Variants in EYA1 observed in about 807,000 individuals in gnomAD.
EYA1 encodes the protein EYA transcriptional coactivator and phosphatase 1, also known as protein phosphatase EYA1.
EYA1 carries 16 observed loss-of-function variants against 82.0 expected under a neutral mutation model. That is an observed-to-expected ratio of 0.20 (90% CI 0.13 to 0.30). EYA1 has a LOEUF of 0.30. Among genes scored for constraint, EYA1 ranks in the 10% least tolerant of loss-of-function variants. The pLI, the probability that EYA1 is intolerant of heterozygous loss-of-function variation, is 1.00. For missense variants in EYA1, 633 were observed against 730.7 expected (o/e 0.87, Z 1.54); for synonymous variants, 261 against 264.4 (o/e 0.99, Z 0.12).
intron 12 of EYA1, among the ~76,000 whole-genome samples, chr8:71,229,910 G>C (rs1810995643): frequency 6.6e-6 from 1 of 152,102 alleles, no homozygotes; most frequent in South Asian, 2.1e-4. Context: ...AAATAATGTT[G>C]ATCAAAAGCA....
At chr8:71,418,580 T>C (rs764325737) in intron 2 of EYA1, among the ~76,000 whole-genome samples, 3 of 152,178 alleles carry the variant, frequency 2.0e-5, no homozygotes, top group Non-Finnish European at 4.4e-5. Flanking sequence ...ACACAACAGC[T>C]ATCTAAAAAA....
intron 9 of EYA1, among the ~76,000 whole-genome samples, chr8:71,283,950 G>A (rs1818098898): frequency 6.6e-6 from 1 of 152,210 alleles, no homozygotes; most frequent in African/African-American, 2.4e-5. Context: ...ATAAAGGTCT[G>A]CCAGCTAGGC....
chr8:71,447,492 A>T (rs1453005747), intron 2 of EYA1, among the ~76,000 whole-genome samples: 2 of 152,160 alleles, frequency 1.3e-5, no homozygotes. Flanking sequence ...TGCACCTCTA[A>T]ACTTTTCAGA....
chr8:71,472,883 A>G (rs998955163), intron 2 of EYA1, among the ~76,000 whole-genome samples: 10 of 150,802 alleles, frequency 6.6e-5, no homozygotes, highest in African/African-American at 2.4e-4. Context: ...CTGTCTAGAC[A>G]GACAAAGACT....
At chr8:71,405,352 G>A (rs1366619829) in intron 2 of EYA1, among the ~76,000 whole-genome samples, 3 of 152,066 alleles carry the variant, frequency 2.0e-5, no homozygotes, top group Non-Finnish European at 2.9e-5. Flanking sequence ...ACCTTTTTTC[G>A]GGATAATTAA....
At chr8:71,498,758 A>T (rs1273244014) in intron 2 of EYA1, among the ~76,000 whole-genome samples, 1 of 152,176 alleles carries the variant, frequency 6.6e-6, no homozygotes, top group Non-Finnish European at 1.5e-5. Context: ...TAAGGTAAAT[A>T]TGTAGAGATA....
intron 1 of EYA1, among the ~76,000 whole-genome samples, chr8:71,546,363 C>T (rs1457096654): frequency 6.6e-6 from 1 of 152,030 alleles, no homozygotes; most frequent in Non-Finnish European, 1.5e-5. Context: ...AAGGAGAGAC[C>T]CAGGACATTG....
At position 71,317,613 on chromosome 8, in the gene EYA1, G is replaced by C; in HGVS notation, c.495C>G (p.Ser165Arg). The stretch of plus-strand genomic sequence containing the variant: ...GAGGGGTACTGAAGCTTGTGCCATA[G>C]CTGAGAAATCCTGTCTGTCCAGGTG... ...SQSPGQTGFL[S>R]YGTSFSTPQP... The change falls in exon 7 of 18, where the codon AGC becomes AGG. Residue 165 changes from serine to arginine, a missense_variant. By Grantham distance (110) the Ser-to-Arg change is moderately radical. Transcript: ENST00000340726. 1 of 1,614,130 alleles carries C rather than the reference G, an allele frequency of 6.2e-7. No homozygotes were observed. Among genetic ancestry groups the C allele is most frequent in the South Asian group, 1.1e-5 (1 of 91,090 alleles).
rs188926423 is a variant in EYA1, at chr8:71,437,442, T to A, written c.34-80931A>T. 5.9e-5 allele frequency among the ~76,000 whole-genome samples: 9 copies of A among 152,130 alleles called. No homozygotes were observed. In the East Asian group the frequency reaches 1.5e-3, roughly 26 times the overall value. ...AGCCTCTATGCCTCAGTTTTGTCCA[T>A]CTCTAAAATGTGTCAGGTCACACAT... On this transcript the variant is annotated intron_variant, in intron 2 of 18. Coordinates refer to the EYA1 transcript ENST00000643681.
intron 4 of EYA1, among the ~76,000 whole-genome samples, chr8:71,328,778 A>C (rs1380524035): frequency 6.6e-6 from 1 of 152,028 alleles, no homozygotes; most frequent in East Asian, 1.9e-4. Flanking sequence ...TCTCCCCAAC[A>C]TCACCCTGGG....
In EYA1 at chr8:71,215,418, T is replaced by A; in HGVS notation, c.1566A>T (p.Pro522=). 6.2e-7 allele frequency: 1 copy of A among 1,612,774 alleles called. No homozygotes were observed. Among genetic ancestry groups the A allele is most frequent in the Non-Finnish European group, 8.5e-7 (1 of 1,178,736 alleles). ...VLLYGLGIVF[P]IENIYSATKI... The stretch of plus-strand genomic sequence containing the variant: ...TAGTTGCACTGTAAATATTTTCTAT[T>A]GGAAATACAATTCCTAACCCATACA... Residue 522 remains proline (P), a synonymous_variant, in exon 16 of 18, where the codon CCA becomes CCT. Coordinates refer to ENST00000340726, the MANE Select transcript of EYA1 (RefSeq NM_000503.6).
At chr8:71,424,605 A>G (rs1031234117) in intron 2 of EYA1, among the ~76,000 whole-genome samples, 6 of 152,230 alleles carry the variant, frequency 3.9e-5, no homozygotes, top group African/African-American at 1.4e-4. Flanking sequence ...TAATTTCAGT[A>G]AGATGGCAAA....
intron 2 of EYA1, among the ~76,000 whole-genome samples, chr8:71,412,389 TAAAATAAAATAAAATAA>T (rs199986262): frequency 0.075 from 9,922 of 132,248 alleles, 398 homozygotes; most frequent in Middle Eastern, 0.17. Flanking sequence ...TAAAAAAATA[TAAAATAAAATAAAATAA>T]AAAATAAAAT....
At chr8:71,294,022 A>G (rs1819304335) in intron 9 of EYA1, among the ~76,000 whole-genome samples, 1 of 148,012 alleles carries the variant, frequency 6.8e-6, no homozygotes, top group African/African-American at 2.4e-5. Context: ...TATGTAGAAA[A>G]TATAAAAAAA....
chr8:71,531,670 G>A (rs1411765221), intron 2 of EYA1, among the ~76,000 whole-genome samples: 2 of 152,046 alleles, frequency 1.3e-5, no homozygotes, highest in African/African-American at 4.8e-5. Context: ...GTTTACCTTG[G>A]ATCAGGACAA....
Position 71,354,803 on chromosome 8 carries a change from T to C in EYA1, c.103A>G (p.Met35Val). 1.2e-6 allele frequency: 2 copies of C among 1,613,426 alleles called. No homozygotes were observed. Among genetic ancestry groups the C allele is most frequent in the Admixed American group, 1.7e-5 (1 of 60,006 alleles). The change falls in exon 3 of 18, where the codon ATG becomes GTG. Residue 35 changes from methionine (M) to valine (V), a missense_variant. Coordinates refer to ENST00000340726, the MANE Select transcript of EYA1 (RefSeq NM_000503.6). ...TCACCTTCGGTGCCATTGGGAGTCA[T>C]GGAATTACTATTTATATGAGAGTTA... ...LGNSHINSNS[M>V]TPNGTEVKTE...
chr8:71,535,742 A>G lies in EYA1; in HGVS notation c.33+2T>C, dbSNP rs746267896. 4 of 1,522,168 alleles carry G rather than the reference A, an allele frequency of 2.6e-6. No homozygotes were observed. In the South Asian group the frequency reaches 4.9e-5, roughly 19 times the overall value. The allele number at this position is 1,522,168 out of a possible 1,614,324, so 94.3% of individuals were successfully genotyped here. A position where few individuals can be genotyped will look rare whatever the true frequency, so the allele number is the denominator to read the frequency against. Reference sequence around the variant, plus strand: ...CTTAGGACTGACATTCTGTTTACTTACAGACTGTCCATTTATCCCCCGGGG... The same window carrying G: ...CTTAGGACTGACATTCTGTTTACTTGCAGACTGTCCATTTATCCCCCGGGG... On this transcript the variant is annotated splice_donor_variant, in intron 2 of 18. Transcript: ENST00000643681. LOFTEE classifies it high-confidence loss of function.
rs1814405509 is a variant in EYA1 at position 71,532,918 on chromosome 8, T to C, written c.33+2826A>G. On this transcript the variant is annotated intron_variant, in intron 2 of 18. Transcript: ENST00000643681. ...AATATATTTTTAAAAGAATATATCA[T>C]GGACACAATGGATACAACTCATCCA... Among the ~76,000 whole-genome samples, 3 of 152,204 alleles carry C rather than the reference T, an allele frequency of 2.0e-5. No individual in the cohort carries two copies. In the South Asian group the frequency reaches 6.2e-4, roughly 32 times the overall value.
chr8:71,290,633 AAAG>A (rs1818893217), intron 9 of EYA1, among the ~76,000 whole-genome samples: 1 of 152,154 alleles, frequency 6.6e-6, no homozygotes, highest in South Asian at 2.1e-4. Flanking sequence ...ACAAGGCACA[AAAG>A]GGCTAAGTGC....
Sources: allele counts gnomAD v4.1 joint callset (sites outside exome capture counted in the v4.1 genomes callset), GRCh38; gene constraint gnomAD v4.1.1; transcripts MANE v1.5; gene names NCBI Gene and HGNC (gene_info 2026-07-23, HGNC 2026-07-21).